Variants in ADAMTS3 observed in about 807,000 individuals in gnomAD.
ADAMTS3 encodes A disintegrin and metalloproteinase with thrombospondin motifs 3.
ADAMTS3 carries 73 observed loss-of-function variants against 129.0 expected under a neutral mutation model. That is an observed-to-expected ratio of 0.57 (90% CI 0.47 to 0.69). ADAMTS3 has a LOEUF of 0.69. Among genes scored for constraint, ADAMTS3 ranks in the 30% least tolerant of loss-of-function variants. The pLI is 0.00. For synonymous variants in ADAMTS3, 477 were observed against 510.8 expected, an observed-to-expected ratio of 0.93 and a Z score of 0.89; for missense variants, 1,457 against 1,514.5, an observed-to-expected ratio of 0.96 and a Z score of 0.63.
intron 2 of ADAMTS3, 23 bp from the exon 3 acceptor site, chr4:72,548,907 G>C: frequency 6.3e-7 from 1 of 1,589,090 alleles, no homozygotes; most frequent in Non-Finnish European, 8.6e-7. Context: ...AAACAGAACT[G>C]TCAAACCCTG....
chr4:72,452,921 T>A (rs1295775038), intron 3 of ADAMTS3, among the ~76,000 whole-genome samples: 1 of 151,792 alleles, frequency 6.6e-6, no homozygotes, highest in Admixed American at 6.6e-5. Flanking sequence ...CAAAGAACAC[T>A]AAACAAGAAG....
At chr4:72,429,991 T>C (rs767425153) in intron 3 of ADAMTS3, among the ~76,000 whole-genome samples, 6 of 152,034 alleles carry the variant, frequency 3.9e-5, no homozygotes, top group Non-Finnish European at 8.8e-5. Context: ...GTAACACTGA[T>C]GCTTCTGCTC....
chr4:72,465,467 C>T (rs993918285), intron 3 of ADAMTS3, among the ~76,000 whole-genome samples: 2 of 151,912 alleles, frequency 1.3e-5, no homozygotes, highest in Non-Finnish European at 2.9e-5. Flanking sequence ...TAGGAGGCAG[C>T]TAGGGTGGGA....
chr4:72,489,765 T>A (rs1379575339), intron 3 of ADAMTS3, among the ~76,000 whole-genome samples: 1 of 151,888 alleles, frequency 6.6e-6, no homozygotes, highest in South Asian at 2.1e-4. Context: ...ATCATAGGCA[T>A]GTATGTGCAG....
At chr4:72,469,125 A>G (rs1021277210) in intron 3 of ADAMTS3, among the ~76,000 whole-genome samples, 14 of 152,162 alleles carry the variant, frequency 9.2e-5, no homozygotes, top group African/African-American at 3.4e-4. Context: ...GAATGAATAC[A>G]AAATTCTGTT....
intron 3 of ADAMTS3, among the ~76,000 whole-genome samples, chr4:72,519,625 T>C (rs1085964): frequency 0.65 from 98,685 of 151,332 alleles, 32,666 homozygotes; most frequent in African/African-American, 0.79. Flanking sequence ...TCCAGTTGAT[T>C]GCATCGGCTC....
intron 4 of ADAMTS3, among the ~76,000 whole-genome samples, chr4:72,391,557 A>G (rs1453219248): frequency 1.3e-5 from 2 of 152,180 alleles, no homozygotes; most frequent in Non-Finnish European, 2.9e-5. Flanking sequence ...AGGCCAATGA[A>G]ACATTTTAAG....
intron 3 of ADAMTS3, among the ~76,000 whole-genome samples, chr4:72,443,610 A>G (rs1718175183): frequency 6.6e-6 from 1 of 151,668 alleles, no homozygotes; most frequent in African/African-American, 2.4e-5. Flanking sequence ...AATCCAGCAC[A>G]ATCTGTATTA....
Position 72,283,305 on chromosome 4 carries a change from G to A in ADAMTS3, c.3449C>T (p.Ser1150Phe), listed in dbSNP as rs768784516. ...KTVRLVTVPS[S>F]PPTKRVHLSS... ...GAGGTGGACCCTCTTGGTGGGTGGG[G>A]AGGATGGTACGGTGACCAGTCTCAC... Residue 1150 changes from serine to phenylalanine, a missense_variant, in exon 22 of 22, where the codon TCC (serine) becomes TTC (phenylalanine). Transcript: ENST00000286657. The A allele has an allele frequency of 1.2e-6, 2 of 1,614,092 alleles. No homozygotes were observed. The highest frequency in any genetic ancestry group is 1.7e-6 in the Non-Finnish European group (2 of 1,179,986).
intron 3 of ADAMTS3, among the ~76,000 whole-genome samples, chr4:72,534,326 C>CA (rs892023288): frequency 2.8e-3 from 343 of 123,000 alleles, no homozygotes; most frequent in South Asian, 2.8e-3. Context: ...GACTCCGTCT[C>CA]AAAAAAAAAA....
At chr4:72,342,450 GC>G (rs1220272458) in intron 4 of ADAMTS3, among the ~76,000 whole-genome samples, 1 of 147,628 alleles carries the variant, frequency 6.8e-6, no homozygotes, top group Non-Finnish European at 1.5e-5. Context: ...TGCAACCTCT[GC>G]CTCCCCGGTT....
intron 4 of ADAMTS3, among the ~76,000 whole-genome samples, chr4:72,400,862 G>A (rs1412526001): frequency 1.4e-5 from 2 of 147,610 alleles, no homozygotes; most frequent in Non-Finnish European, 3.0e-5. Context: ...TCTGTGTATT[G>A]GACATATGTA....
At chr4:72,485,784 T>C (rs1224225974) in intron 3 of ADAMTS3, among the ~76,000 whole-genome samples, 1 of 152,144 alleles carries the variant, frequency 6.6e-6, no homozygotes, top group Non-Finnish European at 1.5e-5. Context: ...GGTAATGAAA[T>C]TAAGAGGGGG....
At chr4:72,464,204 T>C (rs1416759271) in intron 3 of ADAMTS3, among the ~76,000 whole-genome samples, 5 of 152,004 alleles carry the variant, frequency 3.3e-5, no homozygotes, top group Non-Finnish European at 7.4e-5. Context: ...TGGAGCCACA[T>C]TGAACACTGG....
At position 72,313,678 on chromosome 4, in the gene ADAMTS3, T is replaced by C; in HGVS notation, c.1744A>G (p.Met582Val). Residue 582 changes from methionine to valine, a missense_variant and splice_region_variant, in exon 12 of 22, where the codon ATG (methionine) becomes GTG (valine). Transcript: ENST00000286657. ...RFRTRQCNNP[M>V]PINGGQDCPG... The stretch of plus-strand genomic sequence containing the variant: ...CAAGAGTTACAAGGATATACTCACA[T>C]GGGATTATTGCACTGGCGTGTTCTG... 3 of 1,613,482 alleles carry C rather than the reference T, an allele frequency of 1.9e-6. No homozygotes were observed. Among genetic ancestry groups the C allele is most frequent in the Non-Finnish European group, 2.5e-6 (3 of 1,179,690 alleles).
At chr4:72,503,706 A>G (rs1010384693) in intron 3 of ADAMTS3, among the ~76,000 whole-genome samples, 2 of 152,230 alleles carry the variant, frequency 1.3e-5, no homozygotes, top group South Asian at 2.1e-4. Flanking sequence ...AGTTGTTGAA[A>G]TCCCTCAGTA....
intron 4 of ADAMTS3, among the ~76,000 whole-genome samples, chr4:72,389,134 C>T (rs376517127): frequency 1.4e-4 from 21 of 152,286 alleles, no homozygotes; most frequent in South Asian, 4.2e-4. Flanking sequence ...TCTGGGAATG[C>T]GAACCCTTCT....
At chr4:72,503,112 C>G (rs765909101) in intron 3 of ADAMTS3, among the ~76,000 whole-genome samples, 11 of 152,090 alleles carry the variant, frequency 7.2e-5, no homozygotes, top group Non-Finnish European at 1.3e-4. Flanking sequence ...CAACCTTTCC[C>G]TCCCAGGTTC....
chr4:72,437,784 A>C (rs926039889), intron 3 of ADAMTS3, among the ~76,000 whole-genome samples: 4 of 151,782 alleles, frequency 2.6e-5, no homozygotes, highest in African/African-American at 9.7e-5. Context: ...GTAAACAAGA[A>C]TTCTTTCTGA....
Sources: gnomAD v4.1 joint callset for allele counts (sites outside exome capture counted in the v4.1 genomes callset) on GRCh38, gnomAD v4.1.1 for gene constraint, MANE v1.5 for transcripts, NCBI Gene and HGNC (gene_info 2026-07-23, HGNC 2026-07-21) for gene names.